Variants in SNX31 observed in about 807,000 individuals in gnomAD.
SNX31 encodes the protein sorting nexin-31.
Under a neutral mutation model 65.4 loss-of-function variants are expected in SNX31, and 58 were observed. The ratio of observed to expected loss-of-function variants is 0.89; its 90% CI spans 0.72 to 1.10. The LOEUF (loss-of-function observed/expected upper bound fraction) is 1.10. Among genes scored for constraint, SNX31 ranks in the 50% least tolerant of loss-of-function variants. The pLI is 0.00. For synonymous variants in SNX31, 181 were observed against 190.1 expected, an observed-to-expected ratio of 0.95 and a Z score of 0.39; for missense variants, 523 against 529.7, an observed-to-expected ratio of 0.99 and a Z score of 0.12.
At chr8:100,606,317 G>T (rs187513586) in intron 8 of SNX31, among the ~76,000 whole-genome samples, 2 of 152,310 alleles carry the variant, frequency 1.3e-5, no homozygotes, top group African/African-American at 4.8e-5. Context: ...TTACAGGTGT[G>T]TGTCCCCGTT....
At chr8:100,618,027 A>T (rs949283823) in intron 4 of SNX31, 64 of 971,286 alleles carry the variant, frequency 6.6e-5, no homozygotes, top group Non-Finnish European at 7.0e-5. Flanking sequence ...TGGCCTCCCA[A>T]AGTGTTGGGA....
intron 1 of SNX31, among the ~76,000 whole-genome samples, chr8:100,655,576 T>C (rs920114883): frequency 2.0e-5 from 3 of 152,260 alleles, no homozygotes; most frequent in African/African-American, 7.2e-5. Context: ...CCTTTCAGCT[T>C]CTGCATTCTG....
At chr8:100,649,749 G>C (rs1237034629), upstream of SNX31, 4 of 445,264 alleles carry the variant, frequency 9.0e-6, no homozygotes, top group Non-Finnish European at 1.6e-5. Context: ...GATAGGTGGC[G>C]CCTGGGGCTG....
At chr8:100,642,359 G>T (rs926018200) in intron 2 of SNX31, among the ~76,000 whole-genome samples, 2 of 152,204 alleles carry the variant, frequency 1.3e-5, no homozygotes, top group African/African-American at 2.4e-5. Flanking sequence ...AAATGTCGCA[G>T]ATGTTCCCGA....
upstream of SNX31, among the ~76,000 whole-genome samples, chr8:100,651,052 A>G (rs1412100226): frequency 2.6e-5 from 4 of 152,118 alleles, no homozygotes; most frequent in African/African-American, 7.2e-5. Flanking sequence ...GGGTTTCTCC[A>G]TGTTGGTCAG....
rs764989130 is a variant in SNX31, at chr8:100,576,978, C to A, written c.1227+41G>T. ...AAAGAGGAAAAAAGATCAGATTTAT[C>A]AAAATTATAATGTACCAATTACATA... On this transcript the variant is annotated intron_variant, in intron 13 of 13. Coordinates refer to ENST00000311812, the MANE Select transcript of SNX31 (RefSeq NM_152628.4). This position sits in a 1 kb window ranked among gnomAD's most constrained non-coding sequence, Gnocchi z 4.8. The A allele has an allele frequency of 1.7e-5, 26 of 1,491,294 alleles. No homozygotes were observed. The highest frequency in any genetic ancestry group is 1.7e-4 in the Middle Eastern group (1 of 5,812). The allele number at this position is 1,491,294 out of a possible 1,614,324, so 92.4% of individuals were successfully genotyped here.
chr8:100,651,088 G>T (rs1333947265), upstream of SNX31, among the ~76,000 whole-genome samples: 1 of 152,170 alleles, frequency 6.6e-6, no homozygotes, highest in East Asian at 1.9e-4. Flanking sequence ...TTGACCTCAG[G>T]TGATCTGTCC....
chr8:100,631,307 C>T (rs1003222711), intron 3 of SNX31, among the ~76,000 whole-genome samples: 2 of 152,152 alleles, frequency 1.3e-5, no homozygotes, highest in South Asian at 2.1e-4. Context: ...AGGTATGGCC[C>T]AGCCTGGTTC....
chr8:100,661,005 A>ATTTTTTTTTTTTTT (rs1457172508), intron 1 of SNX31, among the ~76,000 whole-genome samples: 1 of 93,942 alleles, frequency 1.1e-5, no homozygotes. Context: ...AAGCAGGTCG[A>ATTTTTTTTTTTTTT]TATTTTTTTT....
rs7815379 is a variant in SNX31 at position 100,622,389 on chromosome 8, C to T, written c.322-4659G>A. Reference sequence around the variant, plus strand: ...ATTTTCCAGGTGTGGTGGCTCACGCCTGGAATCCCAGCACTTTGGGACCCA... The same window carrying T: ...ATTTTCCAGGTGTGGTGGCTCACGCTTGGAATCCCAGCACTTTGGGACCCA... On this transcript the variant is annotated intron_variant, in intron 4 of 13. Transcript: ENST00000311812. This position sits in a 1 kb window ranked among gnomAD's most constrained non-coding sequence, Gnocchi z 5.0. Among the ~76,000 whole-genome samples the T allele has an allele frequency of 5.9e-5, 9 of 152,142 alleles. No individual in the cohort carries two copies. The highest frequency in any genetic ancestry group is 1.3e-4 in the Non-Finnish European group (9 of 68,038).
chr8:100,607,333 C>T (rs59818496), intron 8 of SNX31, among the ~76,000 whole-genome samples: 28,531 of 152,174 alleles, frequency 0.19, 2,930 homozygotes, highest in Admixed American at 0.26. Flanking sequence ...CCTGGGGCAG[C>T]TGGTGACCTG....
intron 9 of SNX31, 59 bp downstream of exon 9, chr8:100,600,290 C>G (rs1815499078): frequency 7.0e-7 from 1 of 1,433,288 alleles, no homozygotes; most frequent in African/African-American, 1.4e-5. Flanking sequence ...CAGTTCAATT[C>G]TAATATGTTT....
chr8:100,654,601 C>G (rs1010350572), upstream of SNX31, among the ~76,000 whole-genome samples: 1 of 152,232 alleles, frequency 6.6e-6, no homozygotes, highest in Non-Finnish European at 1.5e-5. Flanking sequence ...CGAGCCATGG[C>G]AGAAGTGACC....
intron 2 of SNX31, among the ~76,000 whole-genome samples, chr8:100,649,051 C>T (rs1253810764): frequency 2.0e-5 from 3 of 152,206 alleles, no homozygotes; most frequent in Admixed American, 2.0e-4. Context: ...CGCCCGGTTC[C>T]CTCATCTCAC....
At chr8:100,623,243 C>G (rs569454722) in intron 4 of SNX31, among the ~76,000 whole-genome samples, 69 of 152,228 alleles carry the variant, frequency 4.5e-4, no homozygotes, top group African/African-American at 1.6e-3. Flanking sequence ...GTGCCACACA[C>G]TTTTAAACAA....
In SNX31 at chr8:100,578,724, ATTTTATT is replaced by A. The variant is rs1200107146; in HGVS notation, c.1171-1656_1171-1650del. On this transcript the variant is annotated intron_variant, in intron 12 of 13. Transcript: ENST00000311812. This position sits in a 1 kb window ranked among gnomAD's most constrained non-coding sequence, Gnocchi z 4.7. Reference sequence around the variant, plus strand: ...ATTTTATTTTATTTTATTTTATTTTATTTTATTATTATTTTGAGACAGAGTCTCGCTG... The same window carrying A: ...ATTTTATTTTATTTTATTTTATTTTAATTATTTTGAGACAGAGTCTCGCTG... 6.7e-6 allele frequency among the ~76,000 whole-genome samples: 1 copy of A among 148,464 alleles called. No homozygotes were observed. Among genetic ancestry groups the A allele is most frequent in the Non-Finnish European group, 1.5e-5 (1 of 67,372 alleles).
intron 11 of SNX31, among the ~76,000 whole-genome samples, chr8:100,584,748 C>CTT (rs531595486): frequency 1.1e-4 from 15 of 135,436 alleles, no homozygotes; most frequent in South Asian, 4.7e-4. Context: ...TTTTCTTTTT[C>CTT]TTTTTTTTTT....
chr8:100,663,553 C>T (rs1809824695), upstream of SNX31: 1 of 147,676 alleles, frequency 6.8e-6, no homozygotes, highest in Admixed American at 6.6e-5. Flanking sequence ...CTCTGGAAAC[C>T]CTATCGGAGT....
chr8:100,610,587 C>A lies in SNX31; in HGVS notation c.611+1413G>T, dbSNP rs577474015. Among the ~76,000 whole-genome samples the A allele has an allele frequency of 6.6e-6, 1 of 152,296 alleles. No individual in the cohort carries two copies. The highest frequency in any genetic ancestry group is 2.1e-4 in the South Asian group (1 of 4,818). Reference sequence around the variant, plus strand: ...TTACGCAGCTAAGACCTGAGCAAGGCGCAACTTAGATTCACATACTGTAAT... The same window carrying A: ...TTACGCAGCTAAGACCTGAGCAAGGAGCAACTTAGATTCACATACTGTAAT... On this transcript the variant is annotated intron_variant, in intron 7 of 13. Coordinates refer to ENST00000311812, the MANE Select transcript of SNX31 (RefSeq NM_152628.4). This position sits in a 1 kb window ranked among gnomAD's most constrained non-coding sequence, Gnocchi z 4.0.
Sources: allele counts gnomAD v4.1 joint callset (sites outside exome capture counted in the v4.1 genomes callset), GRCh38; gene constraint gnomAD v4.1.1; non-coding constraint Gnocchi (gnomAD v3.1); transcripts MANE v1.5; gene names NCBI Gene and HGNC (gene_info 2026-07-23, HGNC 2026-07-21).